NEXMIF: variants seen among roughly 807,000 people sequenced by gnomAD.
NEXMIF encodes neurite extension and migration factor.
NEXMIF carries 8 observed loss-of-function variants against 62.1 expected under a neutral mutation model. That is an observed-to-expected ratio of 0.13 (90% CI 0.08 to 0.23). NEXMIF has a LOEUF of 0.23. NEXMIF is among the 10% of genes least tolerant of loss of function. NEXMIF has a pLI of 1.00. For synonymous variants in NEXMIF, 404 were observed against 416.6 expected, an observed-to-expected ratio of 0.97 and a Z score of 0.37; for missense variants, 976 against 1,113.3, an observed-to-expected ratio of 0.88 and a Z score of 1.75.
At chrX:74,791,504 G>T (rs1253231583) in intron 1 of NEXMIF, among the ~76,000 whole-genome samples, 1 of 111,309 alleles carries the variant, frequency 9.0e-6, no homozygotes, top group Non-Finnish European at 1.9e-5. Flanking sequence ...AATGAGTTAG[G>T]GAGGATTCCC....
intron 1 of NEXMIF, among the ~76,000 whole-genome samples, chrX:74,886,128 A>T (rs1217679429): frequency 8.9e-6 from 1 of 112,004 alleles, no homozygotes; most frequent in African/African-American, 3.2e-5. Flanking sequence ...TCAATAAATT[A>T]GGTATTGATG....
intron 1 of NEXMIF, among the ~76,000 whole-genome samples, chrX:74,917,851 G>A (rs1486475784): frequency 1.8e-5 from 2 of 111,701 alleles, no homozygotes; most frequent in African/African-American, 3.3e-5. Flanking sequence ...TGTGTGGGGT[G>A]TGTGAAAGCT....
chrX:74,818,120 A>T (rs1006918246), intron 1 of NEXMIF, among the ~76,000 whole-genome samples: 29 of 110,510 alleles, frequency 2.6e-4, no homozygotes, highest in Non-Finnish European at 5.2e-4. Context: ...AAAAAATTAT[A>T]AAAAAAACTT....
chrX:74,754,765 G>T (rs1222854894), intron 1 of NEXMIF, among the ~76,000 whole-genome samples: 1 of 111,436 alleles, frequency 9.0e-6, no homozygotes, highest in African/African-American at 3.3e-5. Context: ...AAGAATTATA[G>T]AACTATCTAT....
intron 1 of NEXMIF, among the ~76,000 whole-genome samples, chrX:74,801,718 C>A (rs1440653195): frequency 8.9e-6 from 1 of 112,467 alleles, no homozygotes; most frequent in Non-Finnish European, 1.9e-5. Context: ...ACCTCAGATA[C>A]CATCTTGCCC....
Position 74,884,412 on chromosome X carries a change from A to T in NEXMIF, c.-48+40471T>A, listed in dbSNP as rs1193763260. Among the ~76,000 whole-genome samples the T allele has an allele frequency of 3.6e-5, 4 of 111,757 alleles. 1 individual carries two copies. The highest frequency in any genetic ancestry group is 2.9e-4 in the Admixed American group (3 of 10,515). On this transcript the variant is annotated intron_variant, in intron 1 of 3. Coordinates refer to ENST00000055682, the MANE Select transcript of NEXMIF (RefSeq NM_001008537.3). ...TATTCAGGAAACCCATCTCACGTGC[A>T]GAGACACACATAGGCTCAAAATAAA...
chrX:74,911,257 T>C (rs954869364), intron 1 of NEXMIF, among the ~76,000 whole-genome samples: 8 of 111,149 alleles, frequency 7.2e-5, no homozygotes, highest in African/African-American at 2.6e-4. Context: ...CTGTCTCTAC[T>C]AAAAATACAA....
chrX:74,875,481 T>C (rs2080627088), intron 1 of NEXMIF, among the ~76,000 whole-genome samples: 1 of 111,989 alleles, frequency 8.9e-6, no homozygotes, highest in African/African-American at 3.3e-5. Context: ...TCTGCCAGGC[T>C]TTGGTATCAG....
chrX:74,763,293 T>G lies in NEXMIF; in HGVS notation c.-47-17596A>C, dbSNP rs780950453. Among the ~76,000 whole-genome samples, 28 of 111,123 alleles carry G rather than the reference T, an allele frequency of 2.5e-4. No homozygotes were observed. The South Asian group carries it at 9.8e-3, about 39-fold the overall frequency. On this transcript the variant is annotated intron_variant, in intron 1 of 3. Transcript: ENST00000055682. ...GATGGTTGTAGATGTGTGGTATTAT[T>G]TCTGAGGCCTCTGTTCTGTTCCATT...
At chrX:74,836,020 C>T (rs1438461597) in intron 1 of NEXMIF, among the ~76,000 whole-genome samples, 1 of 112,948 alleles carries the variant, frequency 8.9e-6, no homozygotes, top group African/African-American at 3.2e-5. Context: ...CTTTCTTCTT[C>T]TTTCCACAGG....
At chrX:74,881,663 A>G (rs1428552112) in intron 1 of NEXMIF, among the ~76,000 whole-genome samples, 4 of 112,424 alleles carry the variant, frequency 3.6e-5, no homozygotes, top group Non-Finnish European at 5.6e-5. Context: ...GTGACTAAAA[A>G]TGTCTCCAGG....
Position 74,744,950 on chromosome X carries a change from T to TC in NEXMIF, c.80-474_80-473insG, listed in dbSNP as rs765117691. Among the ~76,000 whole-genome samples, 17 of 27,506 alleles carry TC rather than the reference T, an allele frequency of 6.2e-4. No homozygotes were observed. In the East Asian group the frequency reaches 8.7e-3, roughly 14 times the overall value. 23.9% of individuals were successfully genotyped at this position (27,506 alleles called of 115,157 possible). The stretch of plus-strand genomic sequence containing the variant: ...TCTCTCCTCTCTCTCTCTCTCTCTC[T>TC]TCTCTCTCCTCCCTCTCTCTCCCTC... On this transcript the variant is annotated intron_variant, in intron 2 of 3. Transcript: ENST00000055682.
chrX:74,745,069 T>A (rs1329219159), intron 2 of NEXMIF, among the ~76,000 whole-genome samples: 1 of 109,046 alleles, frequency 9.2e-6, no homozygotes, highest in East Asian at 2.9e-4. Flanking sequence ...GCAATCTCCA[T>A]CTCCTGGGTT....
At chrX:74,794,642 G>A (rs923862725) in intron 1 of NEXMIF, among the ~76,000 whole-genome samples, 3 of 112,104 alleles carry the variant, frequency 2.7e-5, no homozygotes, top group Admixed American at 9.4e-5. Context: ...TGTGGGCATA[G>A]GACCCTCCAA....
intron 1 of NEXMIF, among the ~76,000 whole-genome samples, chrX:74,894,185 G>A (rs960471910): frequency 1.8e-5 from 2 of 110,818 alleles, no homozygotes; most frequent in African/African-American, 3.3e-5. Flanking sequence ...TGTAGTCCCA[G>A]TTACTTAGGA....
chrX:74,876,096 T>C (rs1033748788), intron 1 of NEXMIF, among the ~76,000 whole-genome samples: 3 of 111,257 alleles, frequency 2.7e-5, no homozygotes, highest in South Asian at 7.5e-4. Context: ...GTGTCAATTT[T>C]GGATCTTTCC....
intron 1 of NEXMIF, among the ~76,000 whole-genome samples, chrX:74,890,417 T>C (rs771968552): frequency 3.6e-5 from 4 of 110,607 alleles, no homozygotes; most frequent in Non-Finnish European, 5.7e-5. Context: ...CACTTGGAAA[T>C]TGACAACTGG....
intron 1 of NEXMIF, among the ~76,000 whole-genome samples, chrX:74,746,245 A>G (rs1433065848): frequency 8.9e-6 from 1 of 112,247 alleles, no homozygotes; most frequent in Non-Finnish European, 1.9e-5. Flanking sequence ...AAGGTAGAGA[A>G]TTCCTTGGTT....
intron 1 of NEXMIF, among the ~76,000 whole-genome samples, chrX:74,794,988 C>G (rs1320918084): frequency 8.9e-6 from 1 of 111,911 alleles, no homozygotes; most frequent in African/African-American, 3.2e-5. Flanking sequence ...ATTCGGCCAT[C>G]TTGGCTCCTC....
Sources: allele counts gnomAD v4.1 joint callset (sites outside exome capture counted in the v4.1 genomes callset), GRCh38; gene constraint gnomAD v4.1.1; transcripts MANE v1.5; gene names NCBI Gene and HGNC (gene_info 2026-07-23, HGNC 2026-07-21).